CELSR1: variants seen among roughly 807,000 people sequenced by gnomAD.
CELSR1 encodes the protein adhesion G protein-coupled receptor C1.
A neutral mutation model predicts 249.1 loss-of-function variants in CELSR1; 110 were observed. The ratio of observed to expected loss-of-function variants is 0.44; its 90% confidence interval spans 0.38 to 0.52. CELSR1 has a LOEUF of 0.52. Ranked by LOEUF, CELSR1 falls within the 20% of genes least tolerant of loss-of-function variation. The probability of loss-of-function intolerance (pLI) is 0.00; values close to 1 mark genes in which losing one functional copy is unlikely to be tolerated. For synonymous variants in CELSR1, 2,113 were observed against 1,900.0 expected, an observed-to-expected ratio of 1.11 and a Z score of -2.92; for missense variants, 4,109 against 4,296.4, an observed-to-expected ratio of 0.96 and a Z score of 1.22.
At chr22:46,373,412 T>TGGGCG (rs1261613400) in intron 24 of CELSR1, among the ~76,000 whole-genome samples, 1 of 118,438 alleles carries the variant, frequency 8.4e-6, no homozygotes, top group Non-Finnish European at 1.7e-5. Flanking sequence ...CCCAGTGCTC[T>TGGGCG]GGGCGGGGCG....
At position 46,471,632 on chromosome 22, in the gene CELSR1, G is replaced by A. The variant is rs1439071837; in HGVS notation, c.3545-7287C>T. Among the ~76,000 whole-genome samples the A allele has an allele frequency of 6.6e-6, 1 of 152,192 alleles. No individual in the cohort carries two copies. The highest frequency in any genetic ancestry group is 1.5e-5 in the Non-Finnish European group (1 of 68,036). ...GCTGGTCTCACACTCCTGGCCTCAA[G>A]CGATCCTCCCACCTCAGCCTCCCAA... On this transcript the variant is annotated intron_variant, in intron 1 of 34. Coordinates refer to ENST00000674500, the MANE Select transcript of CELSR1 (RefSeq NM_001378328.1). This position sits in a 1 kb window ranked among gnomAD's most constrained non-coding sequence, Gnocchi z 4.9.
chr22:46,372,822 G>C (rs2078870040), intron 25 of CELSR1, 61 bp downstream of exon 25: 1 of 1,536,604 alleles, frequency 6.5e-7, no homozygotes, highest in Admixed American at 1.8e-5. Flanking sequence ...CAGCGTTCCT[G>C]CACAGCTGGG....
intron 1 of CELSR1, among the ~76,000 whole-genome samples, chr22:46,467,953 ATTAGCATGTACCGT>A (rs2080115116): frequency 6.6e-6 from 1 of 152,106 alleles, no homozygotes; most frequent in Non-Finnish European, 1.5e-5. Flanking sequence ...CTGTCTTACG[ATTAGCATGTACCGT>A]TTGGGTTGCT....
At chr22:46,364,799 G>A (rs1224234391) in intron 32 of CELSR1, 63 bp from the exon 33 acceptor site, 9 of 1,501,860 alleles carry the variant, frequency 6.0e-6, no homozygotes, top group Non-Finnish European at 8.1e-6. Context: ...TCCCTTGAGA[G>A]CCATGGGTCT....
In CELSR1 at chr22:46,535,743, C is replaced by T. The variant is rs746446161; in HGVS notation, c.1428G>A (p.Thr476=). The change falls in exon 1 of 35, where the codon ACG becomes ACA. Residue 476 remains threonine, a synonymous_variant. Transcript: ENST00000674500. ...VQVPEDVGLN[T]AVLRVQATDR... The stretch of plus-strand genomic sequence containing the variant: ...CCGTGGCCTGCACTCGCAGCACAGC[C>T]GTGTTGAGCCCCACGTCCTCGGGCA... 1.9e-6 allele frequency: 3 copies of T among 1,612,582 alleles called. No individual in the cohort carries two copies. The highest frequency in any genetic ancestry group is 2.2e-5 in the East Asian group (1 of 44,878).
At chr22:46,530,944 TG>T (rs2080785621) in intron 1 of CELSR1, among the ~76,000 whole-genome samples, 1 of 152,232 alleles carries the variant, frequency 6.6e-6, no homozygotes, top group Non-Finnish European at 1.5e-5. Context: ...CTTTAGGGCA[TG>T]GCTGTAAATC....
chr22:46,462,939 G>GA (rs976491468), intron 2 of CELSR1: 3 of 465,628 alleles, frequency 6.4e-6, no homozygotes, highest in Non-Finnish European at 1.3e-5. Flanking sequence ...AGGGAGGCAT[G>GA]AAAAAACAGG....
chr22:46,451,366 A>G (rs3788689), intron 2 of CELSR1, among the ~76,000 whole-genome samples: 67,461 of 152,118 alleles, frequency 0.44, 15,954 homozygotes, highest in African/African-American at 0.61. Flanking sequence ...TGTCTCTGAA[A>G]CAAATTCCCA....
chr22:46,364,384 A>G, intron 33 of CELSR1, 128 bp downstream of exon 33: 1 of 1,494,882 alleles, frequency 6.7e-7, no homozygotes, highest in Non-Finnish European at 9.0e-7. Flanking sequence ...CTAGGCCAGG[A>G]GGCCACGTCT....
chr22:46,421,776 G>C (rs1447880838), intron 5 of CELSR1, among the ~76,000 whole-genome samples: 1 of 152,272 alleles, frequency 6.6e-6, no homozygotes, highest in Non-Finnish European at 1.5e-5. Context: ...ACTGATGGGA[G>C]CACGTGCAGA....
In CELSR1 at chr22:46,428,076, G is replaced by C. The variant is rs528948363; in HGVS notation, c.4611+5317C>G. Among the ~76,000 whole-genome samples the C allele has an allele frequency of 1.3e-5, 2 of 152,276 alleles. No homozygotes were observed. Among genetic ancestry groups the C allele is most frequent in the Admixed American group, 1.3e-4 (2 of 15,296 alleles). ...CAATCCCTAATGACAGCAGGACCTA[G>C]CGGTCATCTCAAGGTCATGGAAATC... On this transcript the variant is annotated intron_variant, in intron 5 of 34. Coordinates refer to ENST00000674500, the MANE Select transcript of CELSR1 (RefSeq NM_001378328.1). The surrounding 1 kb of genome is among the most constrained non-coding windows in gnomAD (Gnocchi z 5.7).
rs939239286 is a variant in CELSR1, at chr22:46,423,329, C to T, written c.4611+10064G>A. 4.6e-5 allele frequency among the ~76,000 whole-genome samples: 7 copies of T among 152,208 alleles called. No homozygotes were observed. Among genetic ancestry groups the T allele is most frequent in the African/African-American group, 1.7e-4 (7 of 41,520 alleles). On this transcript the variant is annotated intron_variant, in intron 5 of 34. Transcript: ENST00000674500. This position sits in a 1 kb window ranked among gnomAD's most constrained non-coding sequence, Gnocchi z 5.6. Reference sequence around the variant, plus strand: ...ATATCTGATCAAGACTCCATGCTGGCCAGGCGCGGTGGCTCACGCCTGTAA... The same window carrying T: ...ATATCTGATCAAGACTCCATGCTGGTCAGGCGCGGTGGCTCACGCCTGTAA...
rs138969877 is a variant in CELSR1 at position 46,512,777 on chromosome 22, G to A, written c.3544+20850C>T. Among the ~76,000 whole-genome samples the A allele has an allele frequency of 7.3e-3, 1,105 of 152,292 alleles. 10 individuals are homozygous for A. Among genetic ancestry groups the A allele is most frequent in the Middle Eastern group, 0.01 (3 of 294 alleles). On this transcript the variant is annotated intron_variant, in intron 1 of 34. Transcript: ENST00000674500. The surrounding 1 kb of genome is among the most constrained non-coding windows in gnomAD (Gnocchi z 5.2). Reference sequence around the variant, plus strand: ...GCGGGTTTCCGTTCCCTGCCATCCAGAGGAATTATTCAGACAAGCTACCCA... The same window carrying A: ...GCGGGTTTCCGTTCCCTGCCATCCAAAGGAATTATTCAGACAAGCTACCCA...
rs1039088277 is a variant in CELSR1 at position 46,411,250 on chromosome 22, C to T, written c.4769+352G>A. 6.6e-6 allele frequency among the ~76,000 whole-genome samples: 1 copy of T among 152,152 alleles called. No individual in the cohort carries two copies. Among genetic ancestry groups the T allele is most frequent in the Non-Finnish European group, 1.5e-5 (1 of 68,030 alleles). On this transcript the variant is annotated intron_variant, in intron 6 of 34. Coordinates refer to ENST00000674500, the MANE Select transcript of CELSR1 (RefSeq NM_001378328.1). The surrounding 1 kb of genome is among the most constrained non-coding windows in gnomAD (Gnocchi z 4.2). ...AACATAAGCCTCTGGGACCAGCTGG[C>T]TGACACAGTGCTTCACTTAACAGAG...
rs1001511227 is a variant in CELSR1 at position 46,430,060 on chromosome 22, C to T, written c.4611+3333G>A. Reference sequence around the variant, plus strand: ...CACTGGTGGGTGGGGGAAGGGTCCCCGCAGGTTGCACGTGGAGGCAGTGCA... The same window carrying T: ...CACTGGTGGGTGGGGGAAGGGTCCCTGCAGGTTGCACGTGGAGGCAGTGCA... On this transcript the variant is annotated intron_variant, in intron 5 of 34. Transcript: ENST00000674500. The surrounding 1 kb of genome is among the most constrained non-coding windows in gnomAD (Gnocchi z 4.6). Among the ~76,000 whole-genome samples, 4 of 152,170 alleles carry T rather than the reference C, an allele frequency of 2.6e-5. No individual in the cohort carries two copies. In the East Asian group the frequency reaches 5.8e-4, roughly 22 times the overall value.
At chr22:46,378,798 C>T (rs1438785673) in intron 22 of CELSR1, 81 bp from the exon 23 acceptor site, 1 of 1,521,726 alleles carries the variant, frequency 6.6e-7, no homozygotes, top group Non-Finnish European at 8.9e-7. Context: ...TTTGCCCAGC[C>T]CTGGGGGCTC....
rs9627424 is a variant in CELSR1 at position 46,365,238 on chromosome 22, G to A, written c.8547C>T (p.Thr2849=). The A allele has an allele frequency of 6.2e-7, 1 of 1,611,712 alleles. No individual in the cohort carries two copies. The highest frequency in any genetic ancestry group is 8.5e-7 in the Non-Finnish European group (1 of 1,179,858). The change falls in exon 32 of 35, where the codon ACC becomes ACT. Residue 2849 remains threonine, a synonymous_variant. Coordinates refer to ENST00000674500, the MANE Select transcript of CELSR1 (RefSeq NM_001378328.1). The stretch of plus-strand genomic sequence containing the variant: ...TGTGCCCCACACACTCACCTTTGGG[G>A]GTGCTGTGGACGGCGCCCCTGGCCG... The part of the protein sequence containing the change: ...WDPARGAVHS[T]PKGDAVANHV...
In CELSR1 at chr22:46,535,070, C is replaced by A; in HGVS notation, c.2101G>T (p.Ala701Ser). The change falls in exon 1 of 35, where the codon GCC becomes TCC. Residue 701 changes from alanine (A) to serine (S), a missense_variant. Transcript: ENST00000674500. ...AGGGTCAGCACGCTGCTCCCCACGG[C>A]CGCATCCTCATTCAGACGAAGCTCG... ...TYELRLNEDA[A>S]VGSSVLTLQA... 1 of 1,612,490 alleles carries A rather than the reference C, an allele frequency of 6.2e-7. No homozygotes were observed. Among genetic ancestry groups the A allele is most frequent in the Non-Finnish European group, 8.5e-7 (1 of 1,180,000 alleles).
At chr22:46,426,550 A>T (rs1350913204) in intron 5 of CELSR1, among the ~76,000 whole-genome samples, 3 of 152,144 alleles carry the variant, frequency 2.0e-5, no homozygotes, top group Non-Finnish European at 4.4e-5. Flanking sequence ...GGAGACCCTG[A>T]TCACCTCCCA....
Sources: allele counts gnomAD v4.1 joint callset (sites outside exome capture counted in the v4.1 genomes callset), GRCh38; gene constraint gnomAD v4.1.1; non-coding constraint Gnocchi (gnomAD v3.1); transcripts MANE v1.5; gene names NCBI Gene and HGNC (gene_info 2026-07-23, HGNC 2026-07-21).